NEDD4: variants seen among roughly 807,000 people sequenced by gnomAD.
NEDD4 encodes the protein NEDD4 E3 ubiquitin protein ligase.
A neutral mutation model predicts 144.9 loss-of-function variants in NEDD4; 99 were observed. That is an observed-to-expected ratio of 0.68 (90% CI 0.58 to 0.81). The LOEUF is 0.81. Among genes scored for constraint, NEDD4 ranks in the 30% least tolerant of loss-of-function variants. NEDD4 has a pLI of 0.00. For synonymous variants in NEDD4, 318 were observed against 350.6 expected (o/e 0.91, Z 1.04); for missense variants, 985 against 1,065.9 (o/e 0.92, Z 1.06).
chr15:55,947,596 T>A (rs377547946), intron 4 of NEDD4, among the ~76,000 whole-genome samples: 1 of 151,904 alleles, frequency 6.6e-6, no homozygotes, highest in East Asian at 1.9e-4. Context: ...ACAAGGAGCT[T>A]ATCCACCATG....
chr15:55,963,515 T>C (rs2037460052), intron 2 of NEDD4, among the ~76,000 whole-genome samples: 1 of 152,208 alleles, frequency 6.6e-6, no homozygotes, highest in Admixed American at 6.5e-5. Flanking sequence ...ATACTTAGTA[T>C]TGTACCATTC....
At chr15:55,964,843 T>C (rs1280636737) in intron 2 of NEDD4, among the ~76,000 whole-genome samples, 5 of 152,060 alleles carry the variant, frequency 3.3e-5, no homozygotes, top group Non-Finnish European at 7.4e-5. Flanking sequence ...ATTAGGGTCA[T>C]GGGAGCAAAT....
At chr15:55,925,922 G>C (rs1297985460) in intron 4 of NEDD4, among the ~76,000 whole-genome samples, 2 of 151,644 alleles carry the variant, frequency 1.3e-5, no homozygotes, top group Non-Finnish European at 2.9e-5. Context: ...TAACTATATA[G>C]CTTGATAACT....
chr15:55,930,133 T>C lies in NEDD4; in HGVS notation c.238-5434A>G, dbSNP rs8026298. ...TTATGGCTTGTGTGCTAAATCCAGCTAGCCATCTACTTTTTAATTTAATGG... is the reference window on the plus strand; with the variant it reads ...TTATGGCTTGTGTGCTAAATCCAGCCAGCCATCTACTTTTTAATTTAATGG... On this transcript the variant is annotated intron_variant, in intron 4 of 28. Coordinates refer to ENST00000435532, the MANE Select transcript of NEDD4 (RefSeq NM_006154.4). 7.8e-3 allele frequency among the ~76,000 whole-genome samples: 1,194 copies of C among 152,334 alleles called. 7 individuals are homozygous for C. Among genetic ancestry groups the C allele is most frequent in the African/African-American group, 0.025 (1,026 of 41,586 alleles).
At chr15:55,878,105 G>T (rs964276590) in intron 5 of NEDD4, among the ~76,000 whole-genome samples, 5 of 152,134 alleles carry the variant, frequency 3.3e-5, no homozygotes. Context: ...TTACTTTCAG[G>T]CTCAAGAGAT....
In NEDD4 at chr15:55,993,573, A is replaced by C. The variant is rs2140463220; in HGVS notation, c.-18T>G. The C allele has an allele frequency of 6.3e-7, 1 of 1,590,720 alleles. No individual in the cohort carries two copies. The highest frequency in any genetic ancestry group is 1.1e-5 in the South Asian group (1 of 88,636). On this transcript the variant is annotated 5_prime_UTR_variant, in exon 1 of 29. Transcript: ENST00000435532. ...GTTGCCATTTCCGAACGCTTCCAGCAAACCGGACGCGCTCGCCCCCGCCCA... is the reference window on the plus strand; with the variant it reads ...GTTGCCATTTCCGAACGCTTCCAGCCAACCGGACGCGCTCGCCCCCGCCCA...
chr15:55,847,676 C>CTTT (rs149696600), intron 17 of NEDD4, among the ~76,000 whole-genome samples: 1 of 113,590 alleles, frequency 8.8e-6, no homozygotes, highest in African/African-American at 3.2e-5. Flanking sequence ...TTTCTTTTTC[C>CTTT]TTTTTTTTTT....
chr15:55,961,764 TGGC>T, intron 2 of NEDD4, among the ~76,000 whole-genome samples: 1 of 152,024 alleles, frequency 6.6e-6, no homozygotes, highest in Non-Finnish European at 1.5e-5. Context: ...CCACCGCGCC[TGGC>T]CAGTTTGTGG....
rs767648342 is a variant in NEDD4 at position 55,869,632 on chromosome 15, G to T, written c.454C>A (p.Pro152Thr). 4 of 1,583,180 alleles carry T rather than the reference G, an allele frequency of 2.5e-6. No homozygotes were observed. The African/African-American group carries it at 5.4e-5, about 21-fold the overall frequency. ...GYLRLKMTYL[P>T]KTSGSEDDNA... ...TCATCTTCTGAGCCACTGGTTTTAG[G>T]TAAATAAGTCATTTTTAGTCTCAGA... Residue 152 changes from proline (P) to threonine (T), a missense_variant, in exon 8 of 29, where the codon CCT becomes ACT. Pro to Thr is a conservative substitution (Grantham distance 38, BLOSUM62 -1). Coordinates refer to ENST00000435532, the MANE Select transcript of NEDD4 (RefSeq NM_006154.4).
intron 19 of NEDD4, among the ~76,000 whole-genome samples, chr15:55,841,477 G>A (rs1595733799): frequency 6.6e-6 from 1 of 152,128 alleles, no homozygotes; most frequent in African/African-American, 2.4e-5. Context: ...CTGGGTATAG[G>A]GTTTCATTTT....
At chr15:55,875,084 C>T (rs1353595215) in intron 5 of NEDD4, among the ~76,000 whole-genome samples, 1 of 149,294 alleles carries the variant, frequency 6.7e-6, no homozygotes, top group African/African-American at 2.5e-5. Context: ...AATTACTAGA[C>T]ATGCAAAGAA....
At chr15:55,978,397 T>C (rs1278915297) in intron 1 of NEDD4, among the ~76,000 whole-genome samples, 4 of 152,244 alleles carry the variant, frequency 2.6e-5, no homozygotes, top group Non-Finnish European at 5.9e-5. Context: ...CTTCATTTTA[T>C]GATTTTATTC....
chr15:55,869,753 A>C, intron 7 of NEDD4, 72 bp from the exon 8 acceptor site: 1 of 979,550 alleles, frequency 1.0e-6, no homozygotes, highest in Non-Finnish European at 1.5e-6. Flanking sequence ...TAAGAGTTTA[A>C]TGAACACCCA....
intron 4 of NEDD4, among the ~76,000 whole-genome samples, chr15:55,935,120 G>A (rs545589916): frequency 3.9e-5 from 6 of 151,926 alleles, no homozygotes; most frequent in East Asian, 1.9e-4. Flanking sequence ...CACCCTCCTC[G>A]GCCTCCCAAA....
In NEDD4 at chr15:55,905,382, A is replaced by C. The variant is rs2036057441; in HGVS notation, c.291+19264T>G. 14 of 423,038 alleles carry C rather than the reference A, an allele frequency of 3.3e-5. No homozygotes were observed. The Admixed American group carries it at 3.8e-4, about 12-fold the overall frequency. 26.2% of individuals were successfully genotyped at this position (423,038 alleles called of 1,614,324 possible). A position where few individuals can be genotyped will look rare whatever the true frequency, so the allele number is the denominator to read the frequency against. The stretch of plus-strand genomic sequence containing the variant: ...CAATTGGGGGGTTTCCCAACAGTGA[A>C]ACCCACCAGTTGAAAAGCCCAACAT... On this transcript the variant is annotated intron_variant, in intron 5 of 28. Coordinates refer to ENST00000435532, the MANE Select transcript of NEDD4 (RefSeq NM_006154.4).
At chr15:55,976,057 T>A (rs2142346955) in intron 1 of NEDD4, among the ~76,000 whole-genome samples, 1 of 152,308 alleles carries the variant, frequency 6.6e-6, no homozygotes, top group African/African-American at 2.4e-5. Context: ...TAAATGGTGC[T>A]GGGAAAACTG....
chr15:55,936,211 C>A (rs2036886709), intron 4 of NEDD4, among the ~76,000 whole-genome samples: 2 of 152,066 alleles, frequency 1.3e-5, no homozygotes, highest in African/African-American at 4.8e-5. Context: ...CATTGTTTTC[C>A]CTTCCATAAA....
At chr15:55,882,698 G>A (rs147281311) in intron 5 of NEDD4, among the ~76,000 whole-genome samples, 1 of 152,272 alleles carries the variant, frequency 6.6e-6, no homozygotes, top group East Asian at 1.9e-4. Context: ...CAGTTGGAGT[G>A]GTCAAGGGAG....
chr15:55,903,223 T>A (rs2142161518), intron 5 of NEDD4, among the ~76,000 whole-genome samples: 1 of 152,326 alleles, frequency 6.6e-6, no homozygotes, highest in Middle Eastern at 3.4e-3. Flanking sequence ...TTCTTTCTGA[T>A]GCTATTTTTA....
Sources: gnomAD v4.1 joint callset for allele counts (sites outside exome capture counted in the v4.1 genomes callset) on GRCh38, gnomAD v4.1.1 for gene constraint, MANE v1.5 for transcripts, NCBI Gene and HGNC (gene_info 2026-07-23, HGNC 2026-07-21) for gene names.